The following PLCG2 variants were observed in gnomAD, a reference collection of about 807,000 sequenced individuals.
The protein encoded by PLCG2 is 1-phosphatidylinositol 4,5-bisphosphate phosphodiesterase gamma-2.
In PLCG2, 69 loss-of-function variants were observed where a neutral mutation model predicts 175.6. That is an observed-to-expected ratio of 0.39 (90% CI 0.32 to 0.48). The LOEUF is 0.48. PLCG2 is among the 20% of genes least tolerant of loss of function. PLCG2 has a pLI of 0.91. For missense variants in PLCG2, 1,798 were observed against 1,650.9 expected (o/e 1.09, Z -1.54); for synonymous variants, 827 against 624.0 (o/e 1.33, Z -4.85).
At position 81,893,778 on chromosome 16, in the gene PLCG2, C is replaced by G. The variant is rs1015042274; in HGVS notation, c.1056C>G (p.Gly352=). The G allele has an allele frequency of 1.2e-6, 2 of 1,609,928 alleles. No individual in the cohort carries two copies. Among genetic ancestry groups the G allele is most frequent in the Non-Finnish European group, 1.7e-6 (2 of 1,176,974 alleles). The part of the protein sequence containing the change: ...PEAYIRCLRM[G]CRCIELDCWD... Reference sequence around the variant, plus strand: ...CTTACATCCGCTGCCTGCGCATGGGCTGTCGCTGCATTGAACGTGAGTAGC... The same window carrying G: ...CTTACATCCGCTGCCTGCGCATGGGGTGTCGCTGCATTGAACGTGAGTAGC... The change falls in exon 12 of 33, where the codon GGC becomes GGG. Residue 352 remains glycine, a synonymous_variant. Transcript: ENST00000564138.
chr16:81,837,689 T>G (rs1026589211), intron 2 of PLCG2, among the ~76,000 whole-genome samples: 2 of 151,978 alleles, frequency 1.3e-5, no homozygotes, highest in East Asian at 1.9e-4. Flanking sequence ...CATGTGTTTT[T>G]TTTTTTTTTT....
intron 1 of PLCG2, among the ~76,000 whole-genome samples, chr16:81,780,355 G>C (rs1383071964): frequency 6.6e-6 from 1 of 152,190 alleles, no homozygotes; most frequent in Non-Finnish European, 1.5e-5. Context: ...CACGAGGTTC[G>C]CTGAGAATCG....
intron 13 of PLCG2, among the ~76,000 whole-genome samples, chr16:81,897,528 TTTTTCTTTTC>T (rs1265060825): frequency 4.0e-5 from 6 of 148,610 alleles, no homozygotes; most frequent in Non-Finnish European, 8.9e-5. Context: ...TTTTTCTCTT[TTTTTCTTTTC>T]TTTTCTTTTC....
intron 5 of PLCG2, among the ~76,000 whole-genome samples, chr16:81,868,642 AT>A (rs1413585971): frequency 1.3e-5 from 2 of 152,202 alleles, no homozygotes; most frequent in Non-Finnish European, 1.5e-5. Context: ...GCTTCATTGA[AT>A]TTCTTCACTT....
intron 2 of PLCG2, among the ~76,000 whole-genome samples, chr16:81,800,912 G>C (rs550063097): frequency 6.6e-6 from 1 of 152,170 alleles, no homozygotes; most frequent in African/African-American, 2.4e-5. Flanking sequence ...CAGAGTCAGA[G>C]TGAGACTGGA....
chr16:81,795,624 G>T (rs930819217), intron 2 of PLCG2, among the ~76,000 whole-genome samples: 2 of 152,176 alleles, frequency 1.3e-5, no homozygotes, highest in African/African-American at 2.4e-5. Context: ...AAGAGGAAGA[G>T]CAGAGGATGG....
At chr16:81,807,083 C>T (rs1011325212) in intron 2 of PLCG2, among the ~76,000 whole-genome samples, 1 of 152,186 alleles carries the variant, frequency 6.6e-6, no homozygotes, top group Non-Finnish European at 1.5e-5. Context: ...CTTCCTAGGT[C>T]ATGTTTCAAG....
chr16:81,858,446 A>G (rs1906797946), intron 4 of PLCG2, 90 bp downstream of exon 4: 8 of 916,484 alleles, frequency 8.7e-6, no homozygotes, highest in Middle Eastern at 2.1e-4. Flanking sequence ...GGGAAAAAAA[A>G]AAAAAGGGAC....
intron 30 of PLCG2, 151 bp downstream of exon 30, chr16:81,940,210 C>G: frequency 3.2e-6 from 2 of 622,436 alleles, no homozygotes; most frequent in Non-Finnish European, 5.6e-6. Context: ...AGGTGTACAG[C>G]CTGTCGTGTA....
chr16:81,783,188 C>T (rs1211965492), intron 1 of PLCG2: 1 of 469,606 alleles, frequency 2.1e-6, no homozygotes, highest in Non-Finnish European at 4.3e-6. Flanking sequence ...GGACTATGGC[C>T]TAGAGACCTG....
At chr16:81,933,581 T>C (rs1389308798) in intron 25 of PLCG2, among the ~76,000 whole-genome samples, 2 of 152,004 alleles carry the variant, frequency 1.3e-5, no homozygotes, top group African/African-American at 4.8e-5. Context: ...TTTTTGTTTT[T>C]TTTTTTTGAG....
intron 2 of PLCG2, among the ~76,000 whole-genome samples, chr16:81,834,165 G>T (rs1304072170): frequency 6.6e-6 from 1 of 152,180 alleles, no homozygotes; most frequent in African/African-American, 2.4e-5. Flanking sequence ...TTCCTGGGCT[G>T]TCTCTGGAAA....
At chr16:81,865,075 C>T (rs1042251378) in intron 5 of PLCG2, among the ~76,000 whole-genome samples, 5 of 152,116 alleles carry the variant, frequency 3.3e-5, no homozygotes, top group African/African-American at 1.2e-4. Flanking sequence ...GAACAGGCAG[C>T]TGGGGAGTCA....
intron 2 of PLCG2, among the ~76,000 whole-genome samples, chr16:81,791,735 T>A (rs1208101150): frequency 6.6e-6 from 1 of 152,160 alleles, no homozygotes. Flanking sequence ...CAGCTAATTT[T>A]TGTATTTTTA....
Position 81,845,820 on chromosome 16 carries a change from C to G in PLCG2, c.194-8624C>G, listed in dbSNP as rs567169334. 6.8e-4 allele frequency among the ~76,000 whole-genome samples: 104 copies of G among 152,298 alleles called. No individual in the cohort carries two copies. In the South Asian group the frequency reaches 0.021, roughly 31 times the overall value. On this transcript the variant is annotated intron_variant, in intron 2 of 32. Transcript: ENST00000564138. ...GACCCCCTCAGACTTTGCTGAATAC[C>G]AGATAGAAAACCCTGGAGAGAGCTG...
chr16:81,902,658 A>T (rs1292932112), intron 14 of PLCG2, among the ~76,000 whole-genome samples: 1 of 151,816 alleles, frequency 6.6e-6, no homozygotes, highest in Non-Finnish European at 1.5e-5. Context: ...TAAAAGCTCT[A>T]CCCTCATTCC....
chr16:81,849,848 A>G (rs1486764034), intron 2 of PLCG2, among the ~76,000 whole-genome samples: 7 of 152,002 alleles, frequency 4.6e-5, no homozygotes, highest in Non-Finnish European at 8.8e-5. Context: ...GAATTGTTAG[A>G]CTAGACAGAA....
chr16:81,772,470 G>A (rs1163819823), intron 2 of PLCG2, among the ~76,000 whole-genome samples: 1 of 152,012 alleles, frequency 6.6e-6, no homozygotes, highest in Non-Finnish European at 1.5e-5. Context: ...CCTTTGGAAG[G>A]TAAGACACGG....
chr16:81,936,356 G>T lies in PLCG2; in HGVS notation c.3030G>T (p.Val1010=). ...FRLWLCGSQM[V]ALNFQTADKY... Reference sequence around the variant, plus strand: ...TCTGGCTGTGCGGTTCTCAGATGGTGGCACTCAATTTCCAGACGGCAGGTA... The same window carrying T: ...TCTGGCTGTGCGGTTCTCAGATGGTTGCACTCAATTTCCAGACGGCAGGTA... The change falls in exon 27 of 33, where the codon GTG becomes GTT. Residue 1010 remains valine, a synonymous_variant. Transcript: ENST00000564138. The T allele has an allele frequency of 6.2e-7, 1 of 1,613,950 alleles. No individual in the cohort carries two copies. The highest frequency in any genetic ancestry group is 1.3e-5 in the African/African-American group (1 of 75,040).
Sources: allele counts gnomAD v4.1 joint callset (sites outside exome capture counted in the v4.1 genomes callset), GRCh38; gene constraint gnomAD v4.1.1; transcripts MANE v1.5; gene names NCBI Gene and HGNC (gene_info 2026-07-23, HGNC 2026-07-21).